The following MALRD1 variants were observed in gnomAD, a reference collection of about 807,000 sequenced individuals.
MALRD1 encodes MAM and LDL-receptor class A domain-containing protein 1.
A neutral mutation model predicts 242.1 loss-of-function variants in MALRD1; 247 were observed. The observed-to-expected ratio is 1.02, with a 90% CI of 0.92 to 1.13. The LOEUF (loss-of-function observed/expected upper bound fraction) is 1.13, where lower values mean the gene tolerates loss of function less well. Among genes scored for constraint, MALRD1 ranks in the 50% most tolerant of loss-of-function variants. The probability of loss-of-function intolerance (pLI) is 0.00; values close to 1 mark genes in which losing one functional copy is unlikely to be tolerated. For missense variants in MALRD1, 2,989 were observed against 2,533.1 expected (o/e 1.18, Z -3.86); for synonymous variants, 995 against 866.6 (o/e 1.15, Z -2.60).
At chr10:19,658,822 C>A (rs572477579) in intron 36 of MALRD1, among the ~76,000 whole-genome samples, 1 of 152,262 alleles carries the variant, frequency 6.6e-6, no homozygotes, top group African/African-American at 2.4e-5. Flanking sequence ...TTGAAAACCA[C>A]GCTCGGTCTC....
rs1448716522 is a variant in MALRD1 at position 19,513,421 on chromosome 10, ATC to A, written c.5320+14779_5320+14780del. Among the ~76,000 whole-genome samples, 4 of 147,756 alleles carry A rather than the reference ATC, an allele frequency of 2.7e-5. No individual in the cohort carries two copies. The South Asian group carries it at 8.8e-4, about 32-fold the overall frequency. On this transcript the variant is annotated intron_variant, in intron 31 of 39. Transcript: ENST00000454679. ...GCTTGCAGAACCATGAGCCAAATAA[ATC>A]TCTTTTTTTTTTTTTTTTGAAAATT...
chr10:19,307,777 G>T (rs547588263), intron 21 of MALRD1, among the ~76,000 whole-genome samples: 3 of 151,480 alleles, frequency 2.0e-5, no homozygotes, highest in African/African-American at 7.3e-5. Flanking sequence ...CCAACCTACT[G>T]CTGACCTTAC....
intron 26 of MALRD1, among the ~76,000 whole-genome samples, chr10:19,375,028 G>T (rs1845539954): frequency 6.6e-6 from 1 of 152,036 alleles, no homozygotes; most frequent in Non-Finnish European, 1.5e-5. Context: ...ATGGGCCATG[G>T]GATGCTATGG....
intron 14 of MALRD1, among the ~76,000 whole-genome samples, chr10:19,176,398 C>T (rs1434388949): frequency 2.9e-5 from 2 of 68,780 alleles, no homozygotes; most frequent in Non-Finnish European, 6.1e-5. Flanking sequence ...GACGGAGTCT[C>T]GCTCTGTCGC....
intron 1 of MALRD1, among the ~76,000 whole-genome samples, chr10:19,053,113 T>C (rs1834558952): frequency 6.6e-6 from 1 of 152,082 alleles, no homozygotes; most frequent in South Asian, 2.1e-4. Flanking sequence ...TGATGCATTG[T>C]TTTTAGCTCA....
chr10:19,649,994 A>G (rs1380218650), intron 36 of MALRD1, among the ~76,000 whole-genome samples: 4 of 152,178 alleles, frequency 2.6e-5, no homozygotes, highest in South Asian at 2.1e-4. Flanking sequence ...TCTTTTCCCC[A>G]TTGCTTGTTT....
At chr10:19,477,269 C>A (rs1017991259) in intron 29 of MALRD1, among the ~76,000 whole-genome samples, 2 of 151,846 alleles carry the variant, frequency 1.3e-5, no homozygotes, top group African/African-American at 2.4e-5. Context: ...TTAAAGGCAA[C>A]AAGAAAATTG....
In MALRD1 at chr10:19,686,107, A is replaced by G. The variant is rs116505664; in HGVS notation, c.6138-6175A>G. Among the ~76,000 whole-genome samples the G allele has an allele frequency of 3.2e-3, 488 of 152,296 alleles. 2 individuals carry two copies. Among genetic ancestry groups the G allele is most frequent in the African/African-American group, 0.011 (460 of 41,560 alleles). ...AGAGTTCCACCGAGGGGCATAAGAC[A>G]GAGGAAAGACACAGGCAAGTTTTAG... On this transcript the variant is annotated intron_variant, in intron 36 of 39. Coordinates refer to ENST00000454679, the MANE Select transcript of MALRD1 (RefSeq NM_001142308.3).
chr10:19,543,433 C>CTTTTTTTTTTTTT lies in MALRD1; in HGVS notation c.5478+12088_5478+12100dup, dbSNP rs71388849. 6.3e-3 allele frequency among the ~76,000 whole-genome samples: 668 copies of CTTTTTTTTTTTTT among 106,324 alleles called. 28 individuals are homozygous for CTTTTTTTTTTTTT. The highest frequency in any genetic ancestry group is 8.3e-3 in the Non-Finnish European group (450 of 54,048). The allele number at this position is 106,324 out of a possible 152,430, so 69.8% of individuals were successfully genotyped here. A position where few individuals can be genotyped will look rare whatever the true frequency, so the allele number is the denominator to read the frequency against. On this transcript the variant is annotated intron_variant, in intron 32 of 39. Transcript: ENST00000454679. ...TGTAAAAATCATGCCCAGCTGATTTCTTTTTTTTTTTTTTTTTTGAGAGAG... is the reference window on the plus strand; with the variant it reads ...TGTAAAAATCATGCCCAGCTGATTTCTTTTTTTTTTTTTTTTTTTTTTTTTTTTTTTGAGAGAG...
intron 2 of MALRD1, among the ~76,000 whole-genome samples, chr10:19,073,261 A>C (rs1215605921): frequency 1.3e-5 from 2 of 152,082 alleles, no homozygotes; most frequent in East Asian, 3.9e-4. Context: ...TAAAAGTAAA[A>C]ATATTAAAAT....
At chr10:19,470,529 T>C (rs980535058) in intron 29 of MALRD1, among the ~76,000 whole-genome samples, 2 of 152,052 alleles carry the variant, frequency 1.3e-5, no homozygotes, top group African/African-American at 4.8e-5. Flanking sequence ...CTGTTTTCTG[T>C]ATGGTTGTAC....
At chr10:19,665,630 T>TA (rs1420799554) in intron 36 of MALRD1, among the ~76,000 whole-genome samples, 3 of 152,134 alleles carry the variant, frequency 2.0e-5, no homozygotes, top group African/African-American at 7.2e-5. Flanking sequence ...ACACTACTGA[T>TA]ACAGCAGCTT....
chr10:19,712,709 G>A (rs1834187822), intron 38 of MALRD1, among the ~76,000 whole-genome samples: 1 of 152,150 alleles, frequency 6.6e-6, no homozygotes, highest in African/African-American at 2.4e-5. Flanking sequence ...CATTTGTAGG[G>A]AAAAAATATT....
intron 1 of MALRD1, among the ~76,000 whole-genome samples, chr10:19,054,464 T>C (rs1834604063): frequency 6.6e-6 from 1 of 152,162 alleles, no homozygotes; most frequent in Non-Finnish European, 1.5e-5. Context: ...TACAATACAT[T>C]AATATTGACT....
At chr10:19,609,308 T>G (rs1838779085) in intron 35 of MALRD1, among the ~76,000 whole-genome samples, 1 of 152,038 alleles carries the variant, frequency 6.6e-6, no homozygotes, top group Admixed American at 6.6e-5. Context: ...GAAATACAGT[T>G]TTCAGAAATA....
chr10:19,363,791 T>A (rs1358049503), intron 26 of MALRD1, among the ~76,000 whole-genome samples: 1 of 152,140 alleles, frequency 6.6e-6, no homozygotes, highest in Non-Finnish European at 1.5e-5. Flanking sequence ...TATAGTACCC[T>A]GGCTTCCAAA....
intron 18 of MALRD1, among the ~76,000 whole-genome samples, chr10:19,230,286 A>T (rs1183824560): frequency 6.6e-6 from 1 of 152,122 alleles, no homozygotes; most frequent in Non-Finnish European, 1.5e-5. Flanking sequence ...TTGCATTGTT[A>T]TAAAGAAATA....
intron 30 of MALRD1, among the ~76,000 whole-genome samples, chr10:19,498,016 G>A (rs1008203640): frequency 3.3e-5 from 5 of 152,204 alleles, no homozygotes; most frequent in African/African-American, 9.6e-5. Context: ...TTGGTATGGT[G>A]TCCAAGATAA....
chr10:19,719,230 A>ATATATATATG (rs1564567427), intron 38 of MALRD1, among the ~76,000 whole-genome samples: 13 of 31,648 alleles, frequency 4.1e-4, no homozygotes, highest in African/African-American at 2.5e-3. Flanking sequence ...ATACATATAT[A>ATATATATATG]TATATATATA....
Sources: allele counts gnomAD v4.1 joint callset (sites outside exome capture counted in the v4.1 genomes callset), GRCh38; gene constraint gnomAD v4.1.1; transcripts MANE v1.5; gene names NCBI Gene and HGNC (gene_info 2026-07-23, HGNC 2026-07-21).